The following TNNI3K variants were observed in gnomAD, a reference collection of about 807,000 sequenced individuals.
TNNI3K encodes serine/threonine-protein kinase TNNI3K.
Under a neutral mutation model 114.5 loss-of-function variants are expected in TNNI3K, and 140 were observed. The observed-to-expected ratio is 1.22, with a 90% CI of 1.07 to 1.41. TNNI3K has a LOEUF of 1.41. Among genes scored for constraint, TNNI3K ranks in the 40% most tolerant of loss-of-function variants. The probability of loss-of-function intolerance (pLI) is 0.00; values close to 1 mark genes in which losing one functional copy is unlikely to be tolerated. For synonymous variants in TNNI3K, 347 were observed against 347.5 expected (o/e 1.00, Z 0.02); for missense variants, 1,125 against 1,007.6 (o/e 1.12, Z -1.58).
chr1:74,332,976 A>AAAAAAG (rs57556485), intron 6 of TNNI3K, among the ~76,000 whole-genome samples: 1 of 90,708 alleles, frequency 1.1e-5, no homozygotes, highest in Admixed American at 1.4e-4. Flanking sequence ...AAAAAAAAAA[A>AAAAAAG]AGAGAGAGAC....
chr1:74,355,016 T>A (rs1280379969), intron 11 of TNNI3K, among the ~76,000 whole-genome samples: 1 of 152,186 alleles, frequency 6.6e-6, no homozygotes, highest in Non-Finnish European at 1.5e-5. Context: ...GCTCTCCATA[T>A]ACACATACAC....
At chr1:74,281,334 A>ATGTGTGTGTGTGTGTGTG (rs149830701) in intron 5 of TNNI3K, among the ~76,000 whole-genome samples, 114 of 148,046 alleles carry the variant, frequency 7.7e-4, no homozygotes, top group African/African-American at 2.5e-3. Context: ...ACAATAATAG[A>ATGTGTGTGTGTGTGTGTG]TGTGTGTGTG....
chr1:74,342,950 ATGT>A lies in TNNI3K; in HGVS notation c.796_798del (p.Val266del), dbSNP rs749603779. Reference sequence around the variant, plus strand: ...CAAAGTGATTTGGAAGTTCAACCTCATGTTGTTAATATCTATGGAGATACCCCC... The same window carrying A: ...CAAAGTGATTTGGAAGTTCAACCTCATGTTAATATCTATGGAGATACCCCC... On this transcript the variant is annotated inframe_deletion, in exon 8 of 25. Coordinates refer to ENST00000326637, the MANE Select transcript of TNNI3K (RefSeq NM_015978.3). 2 of 1,613,878 alleles carry A rather than the reference ATGT, an allele frequency of 1.2e-6. No homozygotes were observed. The highest frequency in any genetic ancestry group is 2.2e-5 in the South Asian group (2 of 91,082).
intron 17 of TNNI3K, among the ~76,000 whole-genome samples, chr1:74,390,146 A>G (rs773588150): frequency 6.6e-6 from 1 of 152,196 alleles, no homozygotes; most frequent in Non-Finnish European, 1.5e-5. Context: ...CATAGCTCCT[A>G]TAATCACTGG....
At chr1:74,327,384 G>GAT (rs1178887642) in intron 5 of TNNI3K, among the ~76,000 whole-genome samples, 2 of 147,192 alleles carry the variant, frequency 1.4e-5, no homozygotes, top group African/African-American at 4.9e-5. Context: ...TAATACTACT[G>GAT]ATATATATAT....
chr1:74,284,940 G>A (rs1657236281), intron 5 of TNNI3K, among the ~76,000 whole-genome samples: 1 of 152,164 alleles, frequency 6.6e-6, no homozygotes, highest in Non-Finnish European at 1.5e-5. Context: ...CTCATAATTT[G>A]TCCTGAAAGG....
At chr1:74,441,001 C>T (rs1666353306) in intron 20 of TNNI3K, among the ~76,000 whole-genome samples, 1 of 152,134 alleles carries the variant, frequency 6.6e-6, no homozygotes, top group African/African-American at 2.4e-5. Flanking sequence ...ATGGGTTTCT[C>T]TACCACTTAC....
rs537200451 is a variant in TNNI3K, at chr1:74,331,388, C to A, written c.445-62C>A. The A allele has an allele frequency of 1.2e-4, 185 of 1,539,718 alleles. 4 individuals are homozygous for A. The South Asian group carries it at 2.0e-3, about 17-fold the overall frequency. On this transcript the variant is annotated intron_variant, in intron 5 of 24. Transcript: ENST00000326637. ...AAGATTTGTGCATGGTGGTTGTAAA[C>A]TGAATCTTAATAGGCAGATAACTCA... is the stretch of plus-strand genomic sequence containing the variant.
rs1461251722 is a variant in TNNI3K at position 74,369,245 on chromosome 1, A to G, written c.1453A>G (p.Lys485Glu). 1.2e-6 allele frequency: 2 copies of G among 1,612,080 alleles called. No individual in the cohort carries two copies. Among genetic ancestry groups the G allele is most frequent in the Non-Finnish European group, 1.7e-6 (2 of 1,179,070 alleles). Residue 485 changes from lysine to glutamate, a missense_variant, in exon 15 of 25, where the codon AAA becomes GAA. Coordinates refer to ENST00000326637, the MANE Select transcript of TNNI3K (RefSeq NM_015978.3). ...GKVYKGRCRNKIVAIKRYRAN... is the reference protein window; with the variant it reads ...GKVYKGRCRNEIVAIKRYRAN... ...AGTATATAAAGGACGATGCAGAAAT[A>G]AAATAGTGGCTATAAAACGGTAAGC... is the stretch of plus-strand genomic sequence containing the variant.
intron 20 of TNNI3K, among the ~76,000 whole-genome samples, chr1:74,441,975 T>C (rs1172960012): frequency 6.6e-6 from 1 of 152,106 alleles, no homozygotes; most frequent in Non-Finnish European, 1.5e-5. Context: ...ATGAAATCCA[T>C]CTTATGAAAA....
intron 5 of TNNI3K, among the ~76,000 whole-genome samples, chr1:74,315,508 A>G (rs982127694): frequency 6.6e-6 from 1 of 151,976 alleles, no homozygotes; most frequent in African/African-American, 2.4e-5. Context: ...TAAATGCTGT[A>G]GGTTTGGTTC....
At chr1:74,253,605 C>T (rs533679166) in intron 4 of TNNI3K, among the ~76,000 whole-genome samples, 2 of 152,154 alleles carry the variant, frequency 1.3e-5, no homozygotes, top group Non-Finnish European at 2.9e-5. Flanking sequence ...CCTCACTGCC[C>T]GGAGCCGGCA....
At chr1:74,539,254 T>G (rs1406650507) in intron 23 of TNNI3K, among the ~76,000 whole-genome samples, 1 of 152,102 alleles carries the variant, frequency 6.6e-6, no homozygotes, top group Non-Finnish European at 1.5e-5. Flanking sequence ...TCCAATAATT[T>G]TGGCTCAAGG....
At chr1:74,528,186 A>T (rs1646532001) in intron 23 of TNNI3K, among the ~76,000 whole-genome samples, 1 of 152,190 alleles carries the variant, frequency 6.6e-6, no homozygotes, top group Admixed American at 6.5e-5. Flanking sequence ...GCTAAGAAGG[A>T]CATGGGCACA....
intron 17 of TNNI3K, among the ~76,000 whole-genome samples, chr1:74,431,385 G>A (rs956043966): frequency 7.9e-5 from 12 of 151,710 alleles, no homozygotes; most frequent in Non-Finnish European, 4.4e-5. Flanking sequence ...TATTTTCTAG[G>A]TATCTCAGAA....
intron 5 of TNNI3K, among the ~76,000 whole-genome samples, chr1:74,285,478 C>A (rs1447138192): frequency 1.3e-5 from 2 of 152,166 alleles, no homozygotes; most frequent in Non-Finnish European, 2.9e-5. Context: ...TTTCATGAAA[C>A]TGTTGGATCC....
intron 9 of TNNI3K, among the ~76,000 whole-genome samples, chr1:74,347,435 A>G (rs1557511368): frequency 6.6e-6 from 1 of 151,942 alleles, no homozygotes. Context: ...AGTCTTTGCT[A>G]TTGTGAATAG....
chr1:74,440,568 T>C (rs1373124005), intron 20 of TNNI3K, among the ~76,000 whole-genome samples: 1 of 151,710 alleles, frequency 6.6e-6, no homozygotes, highest in African/African-American at 2.4e-5. Flanking sequence ...TACTCTATTT[T>C]GGAGTTTTTT....
chr1:74,466,350 A>G (rs554069927), intron 21 of TNNI3K, among the ~76,000 whole-genome samples: 6 of 152,198 alleles, frequency 3.9e-5, no homozygotes, highest in Admixed American at 2.6e-4. Context: ...AATTTCTAAT[A>G]TCAATGTAAA....
Sources: gnomAD v4.1 joint callset for allele counts (sites outside exome capture counted in the v4.1 genomes callset) on GRCh38, gnomAD v4.1.1 for gene constraint, MANE v1.5 for transcripts, NCBI Gene and HGNC (gene_info 2026-07-23, HGNC 2026-07-21) for gene names.